INPP4A: variants seen among roughly 807,000 people sequenced by gnomAD.
INPP4A encodes inositol polyphosphate-4-phosphatase, type I, 107kD.
In INPP4A, 33 loss-of-function variants were observed where a neutral mutation model predicts 119.8. The ratio of observed to expected loss-of-function variants is 0.28; its 90% CI spans 0.21 to 0.37. The LOEUF (loss-of-function observed/expected upper bound fraction) is 0.37, where lower values mean the gene tolerates loss of function less well. INPP4A is among the 10% of genes least tolerant of loss of function. INPP4A has a pLI of 1.00. For missense variants in INPP4A, 956 were observed against 1,289.9 expected, an observed-to-expected ratio of 0.74 and a Z score of 3.97; for synonymous variants, 496 against 500.7, an observed-to-expected ratio of 0.99 and a Z score of 0.12.
chr2:98,574,339 C>T (rs995405603), intron 23 of INPP4A, among the ~76,000 whole-genome samples: 8 of 151,888 alleles, frequency 5.3e-5, no homozygotes, highest in Non-Finnish European at 7.4e-5. Context: ...CCACAGGACA[C>T]GAAGAATACA....
intron 5 of INPP4A, among the ~76,000 whole-genome samples, chr2:98,534,372 A>G (rs1450721837): frequency 6.6e-6 from 1 of 152,198 alleles, no homozygotes; most frequent in Non-Finnish European, 1.5e-5. Context: ...GTATTGGAGT[A>G]GGAAGGTAAG....
In INPP4A at chr2:98,566,323, G is replaced by C. The variant is rs951203744; in HGVS notation, c.2420+154G>C. 6.6e-6 allele frequency among the ~76,000 whole-genome samples: 1 copy of C among 152,200 alleles called. No individual in the cohort carries two copies. The highest frequency in any genetic ancestry group is 1.5e-5 in the Non-Finnish European group (1 of 68,038). On this transcript the variant is annotated intron_variant, in intron 21 of 24. Coordinates refer to ENST00000409851, the MANE Select transcript of INPP4A (RefSeq NM_001134225.2). This position sits in a 1 kb window ranked among gnomAD's most constrained non-coding sequence, Gnocchi z 4.2. ...TTTCATCATGGCCGTGCACCTCACT[G>C]TCTTTGGTGCTAGGGACACAGAGTG...
intron 10 of INPP4A, among the ~76,000 whole-genome samples, chr2:98,541,101 G>A (rs1213625365): frequency 1.3e-5 from 2 of 152,220 alleles, no homozygotes. Context: ...GCTGAGGCAG[G>A]TGGATCACGA....
intron 1 of INPP4A, among the ~76,000 whole-genome samples, chr2:98,450,101 A>AT (rs558120716): frequency 1.2e-3 from 174 of 150,990 alleles, no homozygotes; most frequent in Non-Finnish European, 2.1e-3. Context: ...TGCTTTTTTA[A>AT]TTTTTTTTTA....
chr2:98,548,891 GT>G, intron 13 of INPP4A: 1 of 1,492,700 alleles, frequency 6.7e-7, no homozygotes, highest in Admixed American at 2.1e-5. Context: ...TTAATTTTTT[GT>G]TTTTGCATTT....
intron 23 of INPP4A, among the ~76,000 whole-genome samples, chr2:98,574,266 C>G (rs1020008138): frequency 6.6e-6 from 1 of 152,054 alleles, no homozygotes; most frequent in Non-Finnish European, 1.5e-5. Flanking sequence ...ACCCCCCTGG[C>G]CAGGCTGTGA....
At chr2:98,513,454 T>A (rs1158866715) in intron 1 of INPP4A, among the ~76,000 whole-genome samples, 5 of 152,242 alleles carry the variant, frequency 3.3e-5, no homozygotes, top group Non-Finnish European at 5.9e-5. Context: ...TGTAGAGACA[T>A]TCATTCACTC....
intron 1 of INPP4A, among the ~76,000 whole-genome samples, chr2:98,515,080 A>G (rs1405824839): frequency 1.3e-5 from 2 of 152,192 alleles, no homozygotes; most frequent in Non-Finnish European, 2.9e-5. Context: ...CACCTCTTCC[A>G]GCTGGAGGTT....
intron 3 of INPP4A, 92 bp downstream of exon 3, chr2:98,520,246 TC>T: frequency 2.1e-6 from 2 of 947,656 alleles, no homozygotes; most frequent in African/African-American, 1.6e-5. Flanking sequence ...ACCCAATGAT[TC>T]CCCATGACTA....
At chr2:98,542,708 G>T (rs1189459007) in intron 10 of INPP4A, among the ~76,000 whole-genome samples, 1 of 150,786 alleles carries the variant, frequency 6.6e-6, no homozygotes, top group Non-Finnish European at 1.5e-5. Flanking sequence ...TTGTGTAGCT[G>T]TTCTTCATTG....
At chr2:98,585,962 A>G (rs1200322816) in intron 24 of INPP4A, among the ~76,000 whole-genome samples, 1 of 152,250 alleles carries the variant, frequency 6.6e-6, no homozygotes, top group Non-Finnish European at 1.5e-5. Flanking sequence ...GAAGTAGTTC[A>G]TTAATGTAAG....
intron 15 of INPP4A, among the ~76,000 whole-genome samples, chr2:98,555,099 A>G (rs1453067164): frequency 6.6e-6 from 1 of 152,132 alleles, no homozygotes; most frequent in Non-Finnish European, 1.5e-5. Context: ...GTCCCATCCT[A>G]TACACTGTGC....
Position 98,520,163 on chromosome 2 carries a change from C to A in INPP4A, c.106+9C>A. 1 of 1,551,454 alleles carries A rather than the reference C, an allele frequency of 6.4e-7. No individual in the cohort carries two copies. The highest frequency in any genetic ancestry group is 8.7e-7 in the Non-Finnish European group (1 of 1,145,948). On this transcript the variant is annotated intron_variant, in intron 3 of 24. Coordinates refer to ENST00000409851, the MANE Select transcript of INPP4A (RefSeq NM_001134225.2). ...GGGCCTCTCTCTGGCAGGTGAGCCT[C>A]ACAGGGCCTGCACCGGGCTCCAGGT...
intron 1 of INPP4A, among the ~76,000 whole-genome samples, chr2:98,518,610 G>A (rs1686592813): frequency 6.6e-6 from 1 of 152,196 alleles, no homozygotes; most frequent in African/African-American, 2.4e-5. Context: ...ATCCTGAAGG[G>A]CAGGGCCTTA....
chr2:98,494,726 C>T (rs1336262346), intron 1 of INPP4A, among the ~76,000 whole-genome samples: 1 of 152,134 alleles, frequency 6.6e-6, no homozygotes, highest in South Asian at 2.1e-4. Context: ...TAAAGAGTGT[C>T]TGGGATCAGA....
upstream of INPP4A, chr2:98,444,835 G>C (rs1693867752): frequency 6.6e-6 from 1 of 152,210 alleles, no homozygotes; most frequent in African/African-American, 2.4e-5. Flanking sequence ...AGGGGGCGGG[G>C]CCAGGGCGGG....
intron 4 of INPP4A, among the ~76,000 whole-genome samples, chr2:98,525,857 A>G (rs1000336781): frequency 1.3e-5 from 2 of 152,218 alleles, no homozygotes; most frequent in African/African-American, 4.8e-5. Flanking sequence ...ACTCTACCCA[A>G]CTGGAACTTT....
intron 1 of INPP4A, among the ~76,000 whole-genome samples, chr2:98,496,378 A>C (rs1681943238): frequency 6.6e-6 from 1 of 152,192 alleles, no homozygotes; most frequent in Non-Finnish European, 1.5e-5. Flanking sequence ...ATTAACTCAA[A>C]ATCAATTAAA....
At chr2:98,544,401 A>T (rs1692109655) in intron 11 of INPP4A, among the ~76,000 whole-genome samples, 1 of 152,302 alleles carries the variant, frequency 6.6e-6, no homozygotes, top group Middle Eastern at 3.4e-3. Context: ...GATGTAGGCC[A>T]CTCGCCTTGA....
Sources: allele counts gnomAD v4.1 joint callset (sites outside exome capture counted in the v4.1 genomes callset), GRCh38; gene constraint gnomAD v4.1.1; non-coding constraint Gnocchi (gnomAD v3.1); transcripts MANE v1.5; gene names NCBI Gene and HGNC (gene_info 2026-07-23, HGNC 2026-07-21).